NTN4: variants seen among roughly 807,000 people sequenced by gnomAD.
NTN4 encodes the protein netrin 4, also known as netrin-4.
A neutral mutation model predicts 73.6 loss-of-function variants in NTN4; 32 were observed. The observed-to-expected ratio is 0.44, with a 90% CI of 0.33 to 0.58. The LOEUF (loss-of-function observed/expected upper bound fraction) is 0.58, where lower values mean the gene tolerates loss of function less well. Ranked by LOEUF, NTN4 falls within the 20% of genes least tolerant of loss-of-function variation. NTN4 has a pLI of 0.04. For missense variants in NTN4, 654 were observed against 798.3 expected, an observed-to-expected ratio of 0.82 and a Z score of 2.18; for synonymous variants, 258 against 287.5, an observed-to-expected ratio of 0.90 and a Z score of 1.04.
intron 2 of NTN4, among the ~76,000 whole-genome samples, chr12:95,758,005 G>T (rs1168071701): frequency 6.6e-6 from 1 of 152,164 alleles, no homozygotes; most frequent in African/African-American, 2.4e-5. Flanking sequence ...GGATAGTTGG[G>T]TTGTTTACAG....
chr12:95,670,072 A>T lies in NTN4; in HGVS notation c.1579+6T>A, dbSNP rs2078215684. 6.4e-7 allele frequency: 1 copy of T among 1,567,056 alleles called. No individual in the cohort carries two copies. The highest frequency in any genetic ancestry group is 8.7e-7 in the Non-Finnish European group (1 of 1,149,462). ...TCTCAGAAGCATTCAAGGATTTCAG[A>T]CTCACCATATGAATATTTCATTCCA... On this transcript the variant is annotated splice_donor_region_variant and intron_variant, in intron 8 of 9. Transcript: ENST00000343702.
intron 9 of NTN4, among the ~76,000 whole-genome samples, chr12:95,660,256 C>T (rs1049778987): frequency 1.3e-5 from 2 of 152,118 alleles, no homozygotes; most frequent in African/African-American, 4.8e-5. Context: ...CTCAGGTGAT[C>T]TGCCTGCCTC....
At chr12:95,728,482 G>C (rs961572721) in intron 3 of NTN4, among the ~76,000 whole-genome samples, 4 of 152,088 alleles carry the variant, frequency 2.6e-5, no homozygotes, top group Non-Finnish European at 4.4e-5. Flanking sequence ...TTACATTGAG[G>C]AAGCTCCTTT....
At chr12:95,773,692 C>A (rs775984760) in intron 2 of NTN4, among the ~76,000 whole-genome samples, 3 of 152,124 alleles carry the variant, frequency 2.0e-5, no homozygotes, top group Non-Finnish European at 2.9e-5. Flanking sequence ...CCCATCTCAA[C>A]ATAAGCCTCT....
intron 5 of NTN4, among the ~76,000 whole-genome samples, chr12:95,708,126 A>G (rs2078533763): frequency 6.6e-6 from 1 of 152,138 alleles, no homozygotes; most frequent in Non-Finnish European, 1.5e-5. Context: ...TTAAGGAAGT[A>G]ATTATCTTTA....
intron 5 of NTN4, among the ~76,000 whole-genome samples, chr12:95,692,998 A>G (rs1401110421): frequency 6.6e-6 from 1 of 152,012 alleles, no homozygotes; most frequent in East Asian, 1.9e-4. Flanking sequence ...GTGGCACCAA[A>G]TGCTAAAAAA....
intron 3 of NTN4, among the ~76,000 whole-genome samples, chr12:95,723,052 C>A (rs1351155945): frequency 6.8e-6 from 1 of 147,834 alleles, no homozygotes; most frequent in Non-Finnish European, 1.5e-5. Context: ...TGCAAGTGAG[C>A]AGTACAGTTT....
At position 95,784,495 on chromosome 12, in the gene NTN4, G is replaced by A. The variant is rs889488762; in HGVS notation, c.585+2444C>T. ...TAAAATATGTCTGCTGAGGCCGGGC[G>A]CAGTGACTCACACCTGTAATCCCAG... On this transcript the variant is annotated intron_variant, in intron 2 of 9. Coordinates refer to ENST00000343702, the MANE Select transcript of NTN4 (RefSeq NM_021229.4). 1.1e-4 allele frequency among the ~76,000 whole-genome samples: 16 copies of A among 152,122 alleles called. 1 individual carries two copies. The highest frequency in any genetic ancestry group is 1.6e-4 in the Non-Finnish European group (11 of 68,026).
At chr12:95,676,974 C>T (rs985607313) in intron 7 of NTN4, among the ~76,000 whole-genome samples, 16 of 152,162 alleles carry the variant, frequency 1.1e-4, no homozygotes, top group Non-Finnish European at 1.9e-4. Context: ...AGGTGGCTCA[C>T]GCCTGTAATC....
chr12:95,772,214 A>AT (rs1257083467), intron 2 of NTN4, among the ~76,000 whole-genome samples: 1 of 151,898 alleles, frequency 6.6e-6, no homozygotes, highest in East Asian at 1.9e-4. Flanking sequence ...TAATTTTTGT[A>AT]TTTTTTGTAG....
rs758509557 is a variant in NTN4, at chr12:95,787,492, A to T, written c.56-24T>A. On this transcript the variant is annotated intron_variant, in intron 1 of 9. Coordinates refer to ENST00000343702, the MANE Select transcript of NTN4 (RefSeq NM_021229.4). ...TCCTAAGAAAGGGAAAGCATGCATG[A>T]TGCAAGACAAACCCATCTGGAAAGC... The T allele has an allele frequency of 2.5e-6, 4 of 1,605,508 alleles. No individual in the cohort carries two copies. The Admixed American group carries it at 5.0e-5, about 20-fold the overall frequency.
intron 2 of NTN4, among the ~76,000 whole-genome samples, chr12:95,775,378 C>G (rs11108258): frequency 6.6e-5 from 10 of 152,146 alleles, no homozygotes; most frequent in Non-Finnish European, 1.2e-4. Context: ...CAAAGCAGGG[C>G]GAGGCATCGC....
intron 2 of NTN4, among the ~76,000 whole-genome samples, chr12:95,754,688 A>AC (rs1442519973): frequency 2.6e-5 from 4 of 151,900 alleles, no homozygotes; most frequent in African/African-American, 7.2e-5. Flanking sequence ...GCACCTTGTG[A>AC]CCCCTACCCC....
chr12:95,749,931 T>C (rs540059940), intron 2 of NTN4, among the ~76,000 whole-genome samples: 5 of 146,648 alleles, frequency 3.4e-5, no homozygotes, highest in Non-Finnish European at 6.1e-5. Flanking sequence ...CCCGCTTTTC[T>C]GGGGGAGGGG....
chr12:95,748,894 C>T (rs1486994775), intron 2 of NTN4, among the ~76,000 whole-genome samples: 3 of 152,240 alleles, frequency 2.0e-5, no homozygotes, highest in Non-Finnish European at 4.4e-5. Flanking sequence ...CAAGCCATCG[C>T]ATCCCCTGTG....
chr12:95,752,391 C>T (rs2121220772), intron 2 of NTN4, among the ~76,000 whole-genome samples: 1 of 151,012 alleles, frequency 6.6e-6, no homozygotes, highest in South Asian at 2.2e-4. Context: ...CTCTACAACC[C>T]ATTATTCTGT....
Position 95,658,765 on chromosome 12 carries a change from G to T in NTN4, c.*321C>A, listed in dbSNP as rs1035001574. On this transcript the variant is annotated 3_prime_UTR_variant, in exon 10 of 10. Coordinates refer to ENST00000343702, the MANE Select transcript of NTN4 (RefSeq NM_021229.4). ...TAAGTAACATCGCTGAAGCTGGAAG[G>T]CGTCCTTGTTAGAGGTACTGCCCTT... 2.3e-5 allele frequency: 4 copies of T among 177,360 alleles called. No homozygotes were observed. Among genetic ancestry groups the T allele is most frequent in the Admixed American group, 6.2e-5 (1 of 16,042 alleles). 11.0% of individuals were successfully genotyped at this position (177,360 alleles called of 1,614,324 possible). A position where few individuals can be genotyped will look rare whatever the true frequency, so the allele number is the denominator to read the frequency against.
chr12:95,775,743 C>A lies in NTN4; in HGVS notation c.585+11196G>T, dbSNP rs2079087375. ...GGAGGCCTGCCTGCCTCTGCAGATT[C>A]CACCTCTGGGGGCAGGGCATAGCCG... On this transcript the variant is annotated intron_variant, in intron 2 of 9. Transcript: ENST00000343702. 2.0e-5 allele frequency among the ~76,000 whole-genome samples: 3 copies of A among 152,360 alleles called. No homozygotes were observed. The South Asian group carries it at 6.2e-4, about 32-fold the overall frequency.
At chr12:95,710,893 A>G (rs561858308) in intron 4 of NTN4, among the ~76,000 whole-genome samples, 17 of 152,268 alleles carry the variant, frequency 1.1e-4, no homozygotes, top group African/African-American at 4.1e-4. Context: ...AGTCCCAGCT[A>G]CTTGGGAGGC....
Sources: gnomAD v4.1 joint callset for allele counts (sites outside exome capture counted in the v4.1 genomes callset) on GRCh38, gnomAD v4.1.1 for gene constraint, MANE v1.5 for transcripts, NCBI Gene and HGNC (gene_info 2026-07-23, HGNC 2026-07-21) for gene names.